SLC26A7: variants seen among roughly 807,000 people sequenced by gnomAD.
The protein encoded by SLC26A7 is anion exchange transporter.
A neutral mutation model predicts 82.5 loss-of-function variants in SLC26A7; 59 were observed. The ratio of observed to expected loss-of-function variants is 0.72; its 90% CI spans 0.58 to 0.89. The LOEUF is 0.89. SLC26A7 is among the 40% of genes least tolerant of loss of function. SLC26A7 has a pLI of 0.00. For synonymous variants in SLC26A7, 271 were observed against 274.3 expected, an observed-to-expected ratio of 0.99 and a Z score of 0.12; for missense variants, 820 against 793.0, an observed-to-expected ratio of 1.03 and a Z score of -0.41.
chr8:91,302,257 G>A lies in SLC26A7; in HGVS notation c.477+6554G>A, dbSNP rs112647810. Among the ~76,000 whole-genome samples the A allele has an allele frequency of 1.5e-3, 230 of 151,802 alleles. 2 individuals are homozygous for A. The highest frequency in any genetic ancestry group is 5.5e-3 in the African/African-American group (227 of 41,474). On this transcript the variant is annotated intron_variant, in intron 4 of 18. Coordinates refer to ENST00000276609, the MANE Select transcript of SLC26A7 (RefSeq NM_052832.4). ...TGATTATTCACTTTTTTGCCTTTTT[G>A]ATTTTTTTTGCACTGACTGAGAAAG...
At chr8:91,277,803 T>C (rs1811445492) in intron 2 of SLC26A7, among the ~76,000 whole-genome samples, 1 of 152,146 alleles carries the variant, frequency 6.6e-6, no homozygotes, top group Non-Finnish European at 1.5e-5. Flanking sequence ...AATAAAATAT[T>C]TTAATGTATC....
At chr8:91,360,960 A>G (rs1269186871) in intron 11 of SLC26A7, among the ~76,000 whole-genome samples, 1 of 152,182 alleles carries the variant, frequency 6.6e-6, no homozygotes, top group Non-Finnish European at 1.5e-5. Context: ...GAAGACTCAA[A>G]TGACTGACTG....
intron 1 of SLC26A7, among the ~76,000 whole-genome samples, chr8:91,210,595 A>ACACGCG: frequency 6.6e-6 from 1 of 150,990 alleles, no homozygotes; most frequent in African/African-American, 2.4e-5. Context: ...ACACACACAC[A>ACACGCG]GGTTAACATC....
At chr8:91,357,095 A>G (rs1388001251) in intron 11 of SLC26A7, among the ~76,000 whole-genome samples, 1 of 152,200 alleles carries the variant, frequency 6.6e-6, no homozygotes, top group Non-Finnish European at 1.5e-5. Context: ...TTCACTCTAC[A>G]GTCATCTGGT....
chr8:91,229,549 A>T (rs1194371914), intron 2 of SLC26A7, among the ~76,000 whole-genome samples: 1 of 152,118 alleles, frequency 6.6e-6, no homozygotes, highest in East Asian at 1.9e-4. Flanking sequence ...AGTCTATCTT[A>T]TTTTTTATGC....
chr8:91,231,708 C>T (rs1269214181), intron 2 of SLC26A7, among the ~76,000 whole-genome samples: 2 of 151,884 alleles, frequency 1.3e-5, no homozygotes, highest in African/African-American at 4.8e-5. Flanking sequence ...AAAATGGAGC[C>T]AGTAGGTTTG....
chr8:91,254,493 C>G (rs1401340873), intron 2 of SLC26A7, among the ~76,000 whole-genome samples: 1 of 152,104 alleles, frequency 6.6e-6, no homozygotes, highest in African/African-American at 2.4e-5. Context: ...GACCACAGAA[C>G]CTTCAGGTCT....
intron 15 of SLC26A7, among the ~76,000 whole-genome samples, chr8:91,387,057 AGTTT>A: frequency 6.6e-6 from 1 of 152,198 alleles, no homozygotes; most frequent in Admixed American, 6.5e-5. Context: ...TTTCTCAGAA[AGTTT>A]ACCTAATATT....
chr8:91,266,295 G>T (rs535687333), intron 2 of SLC26A7, among the ~76,000 whole-genome samples: 1 of 151,802 alleles, frequency 6.6e-6, no homozygotes, highest in Admixed American at 6.6e-5. Flanking sequence ...TTTTGATAGG[G>T]ATTGCATTTA....
rs778953337 is a variant in SLC26A7, at chr8:91,295,716, G to A, written c.477+13G>A. 74 of 1,612,080 alleles carry A rather than the reference G, an allele frequency of 4.6e-5. No individual in the cohort carries two copies. Among genetic ancestry groups the A allele is most frequent in the African/African-American group, 6.7e-5 (5 of 74,874 alleles). On this transcript the variant is annotated intron_variant, in intron 4 of 18. Coordinates refer to ENST00000276609, the MANE Select transcript of SLC26A7 (RefSeq NM_052832.4). ...AGGTGTGATTCAGGTAAGTGATACTGACACTTGAGCACAAAGAAAGGGACA... is the reference window on the plus strand; with the variant it reads ...AGGTGTGATTCAGGTAAGTGATACTAACACTTGAGCACAAAGAAAGGGACA...
Position 91,223,423 on chromosome 8 carries a change from A to G in SLC26A7, c.-34+4418A>G, listed in dbSNP as rs1810189181. Among the ~76,000 whole-genome samples the G allele has an allele frequency of 2.0e-5, 3 of 152,060 alleles. No homozygotes were observed. In the South Asian group the frequency reaches 6.2e-4, roughly 32 times the overall value. On this transcript the variant is annotated intron_variant, in intron 2 of 5. Transcript: ENST00000522862. The stretch of plus-strand genomic sequence containing the variant: ...CTCTAGCTCTTTTACTTGTGATGTT[A>G]GGATGCTGATTTGAGATCTTTCCAG...
At chr8:91,294,888 A>T (rs949135474) in intron 3 of SLC26A7, among the ~76,000 whole-genome samples, 2 of 152,220 alleles carry the variant, frequency 1.3e-5, no homozygotes, top group African/African-American at 4.8e-5. Flanking sequence ...TTGTTATACA[A>T]TAATAAAAAT....
intron 6 of SLC26A7, among the ~76,000 whole-genome samples, chr8:91,336,809 G>A (rs1813257296): frequency 6.6e-6 from 1 of 152,038 alleles, no homozygotes; most frequent in Admixed American, 6.6e-5. Flanking sequence ...AATATTAACT[G>A]TGTATCAAAT....
intron 15 of SLC26A7, among the ~76,000 whole-genome samples, chr8:91,380,118 G>T (rs1386738982): frequency 6.6e-6 from 1 of 152,022 alleles, no homozygotes; most frequent in Non-Finnish European, 1.5e-5. Flanking sequence ...TATGATATTG[G>T]TCAAAATGGA....
At chr8:91,345,057 TCAGTATC>T (rs1357851075) in intron 9 of SLC26A7, among the ~76,000 whole-genome samples, 3 of 151,712 alleles carry the variant, frequency 2.0e-5, no homozygotes, top group African/African-American at 7.3e-5. Flanking sequence ...TCCTTTCACC[TCAGTATC>T]CAGAGTAGCT....
intron 4 of SLC26A7, among the ~76,000 whole-genome samples, chr8:91,299,477 G>A (rs1485607628): frequency 6.6e-6 from 1 of 151,848 alleles, no homozygotes; most frequent in Non-Finnish European, 1.5e-5. Context: ...GCTTGTGAGT[G>A]GTGTGTGATA....
intron 2 of SLC26A7, among the ~76,000 whole-genome samples, chr8:91,228,445 G>A (rs1377614511): frequency 6.6e-6 from 1 of 152,204 alleles, no homozygotes; most frequent in Admixed American, 6.5e-5. Context: ...TAAGAAGTGA[G>A]ATGGGGCTTA....
chr8:91,275,965 C>T (rs10098749), intron 2 of SLC26A7, among the ~76,000 whole-genome samples: 15,593 of 152,136 alleles, frequency 0.1, 913 homozygotes, highest in Middle Eastern at 0.2. Context: ...CCTCTTGAAG[C>T]CAGTGAGCTA....
intron 15 of SLC26A7, among the ~76,000 whole-genome samples, chr8:91,375,707 T>G (rs1257377240): frequency 6.6e-6 from 1 of 151,488 alleles, no homozygotes; most frequent in Admixed American, 6.6e-5. Context: ...CTGATGACTC[T>G]GCTTCAGTGA....
Sources: gnomAD v4.1 joint callset for allele counts (sites outside exome capture counted in the v4.1 genomes callset) on GRCh38, gnomAD v4.1.1 for gene constraint, MANE v1.5 for transcripts, NCBI Gene and HGNC (gene_info 2026-07-23, HGNC 2026-07-21) for gene names.